The following STAU2 variants were observed in gnomAD, a reference collection of about 807,000 sequenced individuals.
The protein encoded by STAU2 is staufen double-stranded RNA binding protein 2, also known as double-stranded RNA-binding protein Staufen homolog 2.
A neutral mutation model predicts 65.9 loss-of-function variants in STAU2; 20 were observed. The observed-to-expected ratio is 0.30, with a 90% CI of 0.21 to 0.44. The LOEUF is 0.44. Ranked by LOEUF, STAU2 falls within the 20% of genes least tolerant of loss-of-function variation. STAU2 has a pLI of 1.00. For missense variants in STAU2, 558 were observed against 683.9 expected, an observed-to-expected ratio of 0.82 and a Z score of 2.05; for synonymous variants, 232 against 233.9, an observed-to-expected ratio of 0.99 and a Z score of 0.07.
intron 13 of STAU2, among the ~76,000 whole-genome samples, chr8:73,447,534 G>C (rs1818540560): frequency 6.6e-6 from 1 of 152,146 alleles, no homozygotes; most frequent in Non-Finnish European, 1.5e-5. Flanking sequence ...AACATTTTGT[G>C]CAAATACTAC....
intron 13 of STAU2, among the ~76,000 whole-genome samples, chr8:73,460,045 C>T (rs1563604944): frequency 6.6e-6 from 1 of 152,196 alleles, no homozygotes; most frequent in African/African-American, 2.4e-5. Context: ...GTCAGCACAT[C>T]TCACTTCACC....
At chr8:73,527,678 T>C in intron 13 of STAU2, 1 of 1,532,344 alleles carries the variant, frequency 6.5e-7, no homozygotes, top group Non-Finnish European at 8.8e-7. Context: ...AAAATGGCAG[T>C]GGCATATTAT....
rs955365442 is a variant in STAU2 at position 73,706,510 on chromosome 8, G to A, written c.114+2522C>T. Among the ~76,000 whole-genome samples, 8 of 152,084 alleles carry A rather than the reference G, an allele frequency of 5.3e-5. 1 individual carries two copies. The highest frequency in any genetic ancestry group is 1.9e-4 in the African/African-American group (8 of 41,408). Reference sequence around the variant, plus strand: ...AAATACATTTTATGTCTCACCTAAAGGCCACTGATAGACATACATGAATGA... The same window carrying A: ...AAATACATTTTATGTCTCACCTAAAAGCCACTGATAGACATACATGAATGA... On this transcript the variant is annotated intron_variant, in intron 4 of 14. Coordinates refer to ENST00000524300, the MANE Select transcript of STAU2 (RefSeq NM_001164380.2).
chr8:73,478,475 C>G (rs1332347952), intron 13 of STAU2, among the ~76,000 whole-genome samples: 3 of 145,918 alleles, frequency 2.1e-5, no homozygotes, highest in Non-Finnish European at 4.5e-5. Flanking sequence ...AGTAGATGCT[C>G]TAAAAATAGT....
At chr8:73,746,664 G>T in intron 1 of STAU2, 119 bp downstream of exon 1, 1 of 556,272 alleles carries the variant, frequency 1.8e-6, no homozygotes, top group African/African-American at 2.0e-5. Flanking sequence ...CGCGAAGGGG[G>T]CTGCTTTTCT....
intron 13 of STAU2, among the ~76,000 whole-genome samples, chr8:73,548,388 C>T (rs1008875052): frequency 6.6e-6 from 1 of 151,736 alleles, no homozygotes; most frequent in Admixed American, 6.6e-5. Context: ...CCAGCCACCA[C>T]CCCCCCACTT....
intron 3 of STAU2, among the ~76,000 whole-genome samples, chr8:73,725,968 C>T (rs1237740258): frequency 1.3e-5 from 2 of 151,684 alleles, no homozygotes. Flanking sequence ...ATTTCAATAC[C>T]ACCAATTTTC....
At chr8:73,685,796 T>C (rs1181973872) in intron 5 of STAU2, among the ~76,000 whole-genome samples, 1 of 152,186 alleles carries the variant, frequency 6.6e-6, no homozygotes, top group Non-Finnish European at 1.5e-5. Context: ...GCAATCCCAC[T>C]ACTGGGTATC....
In STAU2 at chr8:73,613,976, T is replaced by C. The variant is rs765432862; in HGVS notation, c.679-20A>G. 1.9e-6 allele frequency: 3 copies of C among 1,548,032 alleles called. No individual in the cohort carries two copies. Among genetic ancestry groups the C allele is most frequent in the South Asian group, 2.4e-5 (2 of 82,150 alleles). On this transcript the variant is annotated intron_variant, in intron 8 of 14. Coordinates refer to ENST00000524300, the MANE Select transcript of STAU2 (RefSeq NM_001164380.2). ...AATAACCTATTAAATACAAGTAAAA[T>C]ATTAAATAATGGATAGGCACTTGAG...
chr8:73,529,337 A>G (rs1366618920), intron 13 of STAU2, among the ~76,000 whole-genome samples: 1 of 152,210 alleles, frequency 6.6e-6, no homozygotes, highest in Non-Finnish European at 1.5e-5. Context: ...GCAACAGTTC[A>G]CAACCATTTA....
At chr8:73,470,720 C>T (rs747949136) in intron 13 of STAU2, among the ~76,000 whole-genome samples, 6 of 151,952 alleles carry the variant, frequency 3.9e-5, no homozygotes, top group Admixed American at 3.9e-4. Flanking sequence ...GGGAGGATTG[C>T]CTAAGTCCAG....
upstream of STAU2, chr8:73,747,292 C>A (rs1301225639): frequency 2.8e-6 from 4 of 1,435,160 alleles, no homozygotes; most frequent in Non-Finnish European, 2.8e-6. Flanking sequence ...TGGGGCAGCC[C>A]CTTCCACACC....
intron 13 of STAU2, among the ~76,000 whole-genome samples, chr8:73,448,185 A>G (rs1484318598): frequency 6.6e-6 from 1 of 152,234 alleles, no homozygotes; most frequent in African/African-American, 2.4e-5. Context: ...GTGTTAAACT[A>G]GAGAAGGCAA....
intron 13 of STAU2, among the ~76,000 whole-genome samples, chr8:73,496,801 T>G (rs963491098): frequency 1.3e-5 from 2 of 151,704 alleles, no homozygotes; most frequent in African/African-American, 2.4e-5. Flanking sequence ...CCAGTGTGCA[T>G]TTTATGCTTG....
At chr8:73,595,399 C>A in intron 10 of STAU2, 102 bp from the exon 11 acceptor site, 1 of 1,118,858 alleles carries the variant, frequency 8.9e-7, no homozygotes. Context: ...CATTTGAAAA[C>A]ATAAAGTTCA....
chr8:73,703,846 T>C (rs1159303167), intron 4 of STAU2, among the ~76,000 whole-genome samples: 2 of 152,184 alleles, frequency 1.3e-5, no homozygotes, highest in African/African-American at 4.8e-5. Context: ...AAAAATGTTG[T>C]AGGACACTGG....
intron 9 of STAU2, among the ~76,000 whole-genome samples, chr8:73,611,649 TTTA>T (rs1467419637): frequency 6.6e-6 from 1 of 150,512 alleles, no homozygotes. Flanking sequence ...AGCCTAACAG[TTTA>T]TTATGATGAT....
At chr8:73,606,416 A>G (rs1188971377) in intron 9 of STAU2, among the ~76,000 whole-genome samples, 1 of 152,130 alleles carries the variant, frequency 6.6e-6, no homozygotes, top group African/African-American at 2.4e-5. Context: ...TAAGCAATTA[A>G]AATTTGTTAA....
At chr8:73,720,521 T>TAAACCA (rs1460432847) in intron 3 of STAU2, among the ~76,000 whole-genome samples, 2 of 79,950 alleles carry the variant, frequency 2.5e-5, no homozygotes, top group African/African-American at 6.6e-5. Context: ...TTTTTTTTTT[T>TAAACCA]TTGAGACGGA....
Sources: gnomAD v4.1 joint callset for allele counts (sites outside exome capture counted in the v4.1 genomes callset) on GRCh38, gnomAD v4.1.1 for gene constraint, MANE v1.5 for transcripts, NCBI Gene and HGNC (gene_info 2026-07-23, HGNC 2026-07-21) for gene names.